Variants in DUSP16 observed in about 807,000 individuals in gnomAD.
The protein encoded by DUSP16 is dual specificity protein phosphatase 16.
Under a neutral mutation model 58.3 loss-of-function variants are expected in DUSP16, and 21 were observed. The ratio of observed to expected loss-of-function variants is 0.36; its 90% confidence interval spans 0.26 to 0.52. The LOEUF is 0.52. Ranked by LOEUF, DUSP16 falls within the 20% of genes least tolerant of loss-of-function variation. The pLI is 0.94. For synonymous variants in DUSP16, 320 were observed against 323.8 expected, an observed-to-expected ratio of 0.99 and a Z score of 0.12; for missense variants, 726 against 819.0, an observed-to-expected ratio of 0.89 and a Z score of 1.39.
intron 1 of DUSP16, among the ~76,000 whole-genome samples, chr12:12,552,183 C>T (rs750504995): frequency 1.3e-5 from 2 of 152,002 alleles, no homozygotes; most frequent in African/African-American, 2.4e-5. Context: ...GCGGTGGCTG[C>T]GCCTGTAATC....
chr12:12,520,480 C>T (rs1293528749), intron 2 of DUSP16, among the ~76,000 whole-genome samples: 4 of 152,160 alleles, frequency 2.6e-5, no homozygotes, highest in African/African-American at 7.2e-5. Flanking sequence ...TAAGTCTTGA[C>T]CAATGTTACC....
In DUSP16 at chr12:12,485,457, A is replaced by G. The variant is rs1943664930; in HGVS notation, c.691+1571T>C. The stretch of plus-strand genomic sequence containing the variant: ...AATTACTTAAAGTTCCAAAAGCATT[A>G]AATAGAATATTCCCCTCACAGGTGA... On this transcript the variant is annotated intron_variant, in intron 5 of 6. Coordinates refer to ENST00000298573, the MANE Select transcript of DUSP16 (RefSeq NM_030640.3). 2 of 152,266 alleles carry G rather than the reference A, an allele frequency of 1.3e-5. 1 individual carries two copies. Among genetic ancestry groups the G allele is most frequent in the South Asian group, 4.1e-4 (2 of 4,834 alleles). The allele number at this position is 152,266 out of a possible 1,614,324, so 9.4% of individuals were successfully genotyped here.
At chr12:12,549,211 G>C (rs1944691834) in intron 1 of DUSP16, among the ~76,000 whole-genome samples, 1 of 140,476 alleles carries the variant, frequency 7.1e-6, no homozygotes, top group South Asian at 2.3e-4. Context: ...TGGCACTGCT[G>C]CTTTCCCCTG....
chr12:12,551,882 C>T (rs1025154203), intron 1 of DUSP16, among the ~76,000 whole-genome samples: 5 of 151,930 alleles, frequency 3.3e-5, no homozygotes, highest in South Asian at 2.1e-4. Context: ...TTAGTAGAGA[C>T]GGGGTTTCAC....
intron 6 of DUSP16, 142 bp from the exon 7 acceptor site, chr12:12,478,157 T>C: frequency 1.3e-6 from 1 of 770,378 alleles, no homozygotes; most frequent in Non-Finnish European, 2.1e-6. Flanking sequence ...TTCGGGGAGA[T>C]GCTTCAAGGT....
At chr12:12,517,565 C>T (rs1944172001) in intron 3 of DUSP16, among the ~76,000 whole-genome samples, 1 of 152,170 alleles carries the variant, frequency 6.6e-6, no homozygotes, top group African/African-American at 2.4e-5. Context: ...TCCACTTACC[C>T]CAATTATCTA....
At chr12:12,496,700 C>T (rs984071119) in intron 4 of DUSP16, among the ~76,000 whole-genome samples, 4 of 152,206 alleles carry the variant, frequency 2.6e-5, no homozygotes, top group African/African-American at 7.2e-5. Context: ...TTGTCTTTCA[C>T]AGAGTAACCA....
Position 12,547,711 on chromosome 12 carries a change from A to G in DUSP16, c.-366+14406T>C, listed in dbSNP as rs541167953. ...CCATGCTATAAGCAGGAAAATAAGT[A>G]AGATCAAAAGTTAGAAAATCAAAGA... On this transcript the variant is annotated intron_variant, in intron 1 of 6. Transcript: ENST00000298573. 1.6e-4 allele frequency among the ~76,000 whole-genome samples: 25 copies of G among 152,236 alleles called. No homozygotes were observed. In the South Asian group the frequency reaches 4.8e-3, roughly 29 times the overall value.
At chr12:12,519,002 T>TA (rs2136230747) in intron 3 of DUSP16, among the ~76,000 whole-genome samples, 1 of 152,332 alleles carries the variant, frequency 6.6e-6, no homozygotes, top group South Asian at 2.1e-4. Flanking sequence ...ACCAAATGTT[T>TA]AAAAGCACTC....
In DUSP16 at chr12:12,520,070, T is replaced by G. The variant is rs550088276; in HGVS notation, c.229-70A>C. 2.0e-6 allele frequency: 3 copies of G among 1,530,396 alleles called. No homozygotes were observed. The African/African-American group carries it at 4.1e-5, about 21-fold the overall frequency. 94.8% of individuals were successfully genotyped at this position (1,530,396 alleles called of 1,614,324 possible). On this transcript the variant is annotated intron_variant, in intron 2 of 6. Coordinates refer to ENST00000298573, the MANE Select transcript of DUSP16 (RefSeq NM_030640.3). ...TAATCTCAAACTACTGCTTAAGATC[T>G]CACATTTACCAGTGCTGGGGCGAAT...
chr12:12,521,110 G>A lies in DUSP16; in HGVS notation c.-12C>T, dbSNP rs929588963. ...ATCTCATGGGCCATGACAACAATAA[G>A]TCCTCTTTTCCCACCTCCTTCTTTA... is the stretch of plus-strand genomic sequence containing the variant. On this transcript the variant is annotated 5_prime_UTR_variant, in exon 2 of 7. Coordinates refer to ENST00000298573, the MANE Select transcript of DUSP16 (RefSeq NM_030640.3). 6.2e-7 allele frequency: 1 copy of A among 1,613,030 alleles called. No homozygotes were observed. Among genetic ancestry groups the A allele is most frequent in the Non-Finnish European group, 8.5e-7 (1 of 1,179,510 alleles).
chr12:12,483,892 G>T (rs556576364), intron 5 of DUSP16, among the ~76,000 whole-genome samples: 19 of 151,850 alleles, frequency 1.3e-4, no homozygotes, highest in Non-Finnish European at 2.1e-4. Flanking sequence ...AGTCATTAAG[G>T]GGGTACATCT....
intron 1 of DUSP16, among the ~76,000 whole-genome samples, chr12:12,557,949 C>A (rs1323101785): frequency 6.6e-6 from 1 of 152,208 alleles, no homozygotes; most frequent in Non-Finnish European, 1.5e-5. Context: ...ACATGTTAAC[C>A]AATCTTTAAG....
chr12:12,485,654 G>A (rs1009035535), intron 5 of DUSP16, among the ~76,000 whole-genome samples: 1 of 151,992 alleles, frequency 6.6e-6, no homozygotes, highest in African/African-American at 2.4e-5. Context: ...GGGACCACAG[G>A]TGCACTGGTA....
At chr12:12,532,107 G>T (rs536547041) in intron 1 of DUSP16, among the ~76,000 whole-genome samples, 3 of 152,092 alleles carry the variant, frequency 2.0e-5, no homozygotes, top group Non-Finnish European at 4.4e-5. Context: ...GCAGTGAGCC[G>T]AGATTGCGCC....
At chr12:12,478,058 C>T (rs199743062) in intron 6 of DUSP16, 43 bp from the exon 7 acceptor site, 18 of 1,420,250 alleles carry the variant, frequency 1.3e-5, no homozygotes, top group Non-Finnish European at 1.7e-5. Context: ...TTTACAACTA[C>T]ACTTTATCTT....
chr12:12,537,491 T>G (rs1944484852), intron 1 of DUSP16, among the ~76,000 whole-genome samples: 1 of 152,206 alleles, frequency 6.6e-6, no homozygotes, highest in Non-Finnish European at 1.5e-5. Context: ...AAATTAAAAT[T>G]ATAAGCAAAA....
chr12:12,477,822 G>C lies in DUSP16; in HGVS notation c.1009C>G (p.Leu337Val). The C allele has an allele frequency of 6.2e-7, 1 of 1,614,074 alleles. No individual in the cohort carries two copies. The highest frequency in any genetic ancestry group is 1.1e-5 in the South Asian group (1 of 91,088). ...GCAGAGTCGGCACAGGGTGGACTGA[G>C]GGGCGTCTCGCTTTTCTGTCCACCC... The part of the protein sequence containing the change: ...SEGGQKSETP[L>V]SPPCADSATS... Residue 337 changes from leucine to valine, a missense_variant, in exon 7 of 7, where the codon CTC (leucine) becomes GTC (valine). Leu to Val is a conservative substitution (Grantham distance 32, BLOSUM62 1). Transcript: ENST00000298573. The surrounding 1 kb of genome is among the most constrained non-coding windows in gnomAD (Gnocchi z 4.1).
At chr12:12,504,225 G>A (rs925798579) in intron 3 of DUSP16, among the ~76,000 whole-genome samples, 1 of 152,146 alleles carries the variant, frequency 6.6e-6, no homozygotes, top group Non-Finnish European at 1.5e-5. Flanking sequence ...ATTGTATGAT[G>A]TTAAATTTTA....
Sources: gnomAD v4.1 joint callset for allele counts (sites outside exome capture counted in the v4.1 genomes callset) on GRCh38, gnomAD v4.1.1 for gene constraint, Gnocchi (gnomAD v3.1) non-coding constraint, MANE v1.5 for transcripts, NCBI Gene and HGNC (gene_info 2026-07-23, HGNC 2026-07-21) for gene names.